COP1: variants seen among roughly 807,000 people sequenced by gnomAD.
COP1 encodes COP1 E3 ubiquitin ligase, also known as E3 ubiquitin-protein ligase COP1.
Under a neutral mutation model 101.3 loss-of-function variants are expected in COP1, and 24 were observed. The ratio of observed to expected loss-of-function variants is 0.24; its 90% CI spans 0.17 to 0.33. The LOEUF is 0.33. Among genes scored for constraint, COP1 ranks in the 10% least tolerant of loss-of-function variants. The probability of loss-of-function intolerance (pLI) is 1.00; values close to 1 mark genes in which losing one functional copy is unlikely to be tolerated. For missense variants in COP1, 663 were observed against 906.2 expected (o/e 0.73, Z 3.45); for synonymous variants, 347 against 341.9 (o/e 1.01, Z -0.17).
intron 12 of COP1, among the ~76,000 whole-genome samples, chr1:176,044,731 C>T (rs568373092): frequency 1.1e-4 from 16 of 152,192 alleles, no homozygotes; most frequent in African/African-American, 3.4e-4. Flanking sequence ...AGATGTGCTC[C>T]GAATCTATTT....
rs143466936 is a variant in COP1 at position 176,129,095 on chromosome 1, T to C, written c.968+5915A>G. On this transcript the variant is annotated intron_variant, in intron 8 of 19. Coordinates refer to ENST00000367669, the MANE Select transcript of COP1 (RefSeq NM_022457.7). ...TAGTCCAGAAGCTATTATGCAGTAT[T>C]GTTTCTTAAATATCATTAATTTATT... Among the ~76,000 whole-genome samples, 398 of 152,060 alleles carry C rather than the reference T, an allele frequency of 2.6e-3. 3 individuals are homozygous for C. The highest frequency in any genetic ancestry group is 9.1e-3 in the African/African-American group (380 of 41,544).
chr1:175,984,639 G>T lies in COP1; in HGVS notation c.2133+2304C>A, dbSNP rs543304662. ...GGTAGATCCACTGACAGCTTGCACC[G>T]TTCACCTGGAAAAGCCACAGACAAT... On this transcript the variant is annotated intron_variant, in intron 18 of 19. Transcript: ENST00000367669. Among the ~76,000 whole-genome samples the T allele has an allele frequency of 3.9e-5, 6 of 152,266 alleles. No individual in the cohort carries two copies. In the South Asian group the frequency reaches 1.0e-3, roughly 26 times the overall value.
chr1:175,988,401 C>T lies in COP1; in HGVS notation c.1859G>A (p.Ser620Asn). 6.2e-7 allele frequency: 1 copy of T among 1,601,014 alleles called. No individual in the cohort carries two copies. The highest frequency in any genetic ancestry group is 8.5e-7 in the Non-Finnish European group (1 of 1,171,522). Residue 620 changes from serine to asparagine, a missense_variant, in exon 17 of 20, where the codon AGT becomes AAT. Ser to Asn is a conservative substitution (Grantham distance 46). Transcript: ENST00000367669. ...CCCTACATTCCACAGTTTTAGCTGA[C>T]TGTCTGTTGAGCTGAGGAAAAGTAC... ...GEEIVSASTD[S>N]QLKLWNVGKP...
intron 9 of COP1, among the ~76,000 whole-genome samples, chr1:176,107,259 T>C (rs1287729419): frequency 6.6e-6 from 1 of 152,054 alleles, no homozygotes; most frequent in African/African-American, 2.4e-5. Context: ...CTGAGAAAGC[T>C]TGCAAGCAAT....
At chr1:176,033,260 C>T (rs1192011945) in intron 14 of COP1, among the ~76,000 whole-genome samples, 2 of 151,860 alleles carry the variant, frequency 1.3e-5, no homozygotes, top group Non-Finnish European at 2.9e-5. Context: ...TAAAAAAATA[C>T]AAAATTAGCC....
At chr1:176,156,333 C>G (rs76745365) in intron 5 of COP1, among the ~76,000 whole-genome samples, 2 of 151,724 alleles carry the variant, frequency 1.3e-5, no homozygotes, top group African/African-American at 4.8e-5. Flanking sequence ...AAATGAGATA[C>G]TGAAAACCCA....
intron 15 of COP1, among the ~76,000 whole-genome samples, chr1:176,007,662 C>G (rs1348130974): frequency 6.6e-6 from 1 of 152,054 alleles, no homozygotes; most frequent in Non-Finnish European, 1.5e-5. Flanking sequence ...GCTCAGGGGT[C>G]AGGGGTCAGG....
intron 15 of COP1, among the ~76,000 whole-genome samples, chr1:176,013,006 G>A (rs946597422): frequency 4.0e-5 from 6 of 151,876 alleles, no homozygotes; most frequent in African/African-American, 4.8e-5. Flanking sequence ...CAAAATCCAC[G>A]GATGTTCATG....
intron 2 of COP1, among the ~76,000 whole-genome samples, 185 bp from the exon 3 acceptor site, chr1:176,176,192 C>T (rs1293105922): frequency 6.6e-6 from 1 of 152,134 alleles, no homozygotes; most frequent in Non-Finnish European, 1.5e-5. Flanking sequence ...GTAAACACTA[C>T]ACAAAAGTTA....
At chr1:176,052,554 C>T (rs1407608850) in intron 11 of COP1, among the ~76,000 whole-genome samples, 1 of 152,124 alleles carries the variant, frequency 6.6e-6, no homozygotes, top group African/African-American at 2.4e-5. Context: ...AAAATTCAGA[C>T]TCCAACTATT....
intron 15 of COP1, among the ~76,000 whole-genome samples, chr1:176,017,855 C>T (rs557126217): frequency 9.3e-4 from 142 of 152,204 alleles, no homozygotes; most frequent in African/African-American, 3.2e-3. Context: ...AATACTTAAA[C>T]CATTTTTTAC....
intron 18 of COP1, among the ~76,000 whole-genome samples, chr1:175,966,656 G>A (rs140196232): frequency 2.0e-5 from 3 of 152,310 alleles, no homozygotes; most frequent in African/African-American, 7.2e-5. Flanking sequence ...GAAGAAAGGT[G>A]TCTTGGGTGG....
chr1:176,175,325 A>G (rs917898172), intron 3 of COP1, among the ~76,000 whole-genome samples: 1 of 152,210 alleles, frequency 6.6e-6, no homozygotes, highest in Non-Finnish European at 1.5e-5. Flanking sequence ...CCTCACATCC[A>G]GTCTGTCATC....
At chr1:176,090,930 C>T (rs149615325) in intron 9 of COP1, among the ~76,000 whole-genome samples, 13 of 152,094 alleles carry the variant, frequency 8.5e-5, no homozygotes, top group Admixed American at 2.6e-4. Flanking sequence ...TAAAAAGAAA[C>T]CCACAGTTAG....
chr1:176,154,130 T>C (rs1693078175), intron 5 of COP1, among the ~76,000 whole-genome samples: 1 of 152,186 alleles, frequency 6.6e-6, no homozygotes, highest in Non-Finnish European at 1.5e-5. Flanking sequence ...GGAGTGCCTC[T>C]TCCTCAATTT....
intron 15 of COP1, among the ~76,000 whole-genome samples, chr1:176,011,568 T>C (rs1664682420): frequency 6.6e-6 from 1 of 152,178 alleles, no homozygotes; most frequent in Admixed American, 6.5e-5. Flanking sequence ...ATCTTAACAA[T>C]CAAATCAATC....
intron 10 of COP1, among the ~76,000 whole-genome samples, chr1:176,083,249 C>T (rs1436545579): frequency 6.6e-6 from 1 of 152,098 alleles, no homozygotes; most frequent in East Asian, 1.9e-4. Context: ...TCAATGTTAT[C>T]CTATTCATTC....
chr1:176,081,869 A>G (rs1031256179), intron 10 of COP1, among the ~76,000 whole-genome samples: 6 of 152,182 alleles, frequency 3.9e-5, no homozygotes. Context: ...AAAGTTTGAA[A>G]TTGCTCCTTT....
At chr1:176,041,568 C>A (rs980758693) in intron 14 of COP1, among the ~76,000 whole-genome samples, 28 of 152,040 alleles carry the variant, frequency 1.8e-4, no homozygotes, top group Non-Finnish European at 3.7e-4. Flanking sequence ...AGGCTGTTCT[C>A]AAACTTCTGG....
Sources: gnomAD v4.1 joint callset for allele counts (sites outside exome capture counted in the v4.1 genomes callset) on GRCh38, gnomAD v4.1.1 for gene constraint, MANE v1.5 for transcripts, NCBI Gene and HGNC (gene_info 2026-07-23, HGNC 2026-07-21) for gene names.